DIAPH3: variants seen among roughly 807,000 people sequenced by gnomAD.
DIAPH3 encodes protein diaphanous homolog 3.
In DIAPH3, 117 loss-of-function variants were observed where a neutral mutation model predicts 144.3. That is an observed-to-expected ratio of 0.81 (90% CI 0.70 to 0.95). The LOEUF is 0.95. Ranked by LOEUF, DIAPH3 falls within the 40% of genes least tolerant of loss-of-function variation. DIAPH3 has a pLI of 0.00. For missense variants in DIAPH3, 1,421 were observed against 1,412.7 expected (o/e 1.01, Z -0.09); for synonymous variants, 519 against 488.9 (o/e 1.06, Z -0.81).
intron 4 of DIAPH3, among the ~76,000 whole-genome samples, chr13:60,059,844 C>T (rs972595060): frequency 1.3e-5 from 2 of 151,970 alleles, no homozygotes; most frequent in African/African-American, 4.8e-5. Context: ...ATCGTCTTTA[C>T]TGTGTTGATT....
At chr13:59,891,155 T>A (rs2045768648) in intron 20 of DIAPH3, among the ~76,000 whole-genome samples, 1 of 151,836 alleles carries the variant, frequency 6.6e-6, no homozygotes. Flanking sequence ...TACAGAAAAA[T>A]GATTCCTAGG....
intron 1 of DIAPH3, among the ~76,000 whole-genome samples, chr13:60,144,209 C>T (rs1204725056): frequency 2.0e-5 from 3 of 152,096 alleles, no homozygotes; most frequent in African/African-American, 7.2e-5. Flanking sequence ...GTTTTCTTTT[C>T]CCAATACGGA....
chr13:60,099,768 C>T (rs536372851), intron 3 of DIAPH3, among the ~76,000 whole-genome samples: 1 of 152,230 alleles, frequency 6.6e-6, no homozygotes, highest in Non-Finnish European at 1.5e-5. Flanking sequence ...CTGTGCTGAT[C>T]TGACTAGCAC....
chr13:59,910,275 AAATAGACAAACTAACCAAAT>A lies in DIAPH3; in HGVS notation c.2367+1440_2367+1459del, dbSNP rs545661053. The stretch of plus-strand genomic sequence containing the variant: ...TGGAAGACATGGCAAATAGAGTATC[AAATAGACAAACTAACCAAAT>A]AATAGAAAAGCAAGCAAGCAGGGAA... On this transcript the variant is annotated intron_variant, in intron 20 of 27. Transcript: ENST00000400324. Among the ~76,000 whole-genome samples the A allele has an allele frequency of 9.5e-4, 145 of 152,292 alleles. 1 individual carries two copies. The highest frequency in any genetic ancestry group is 9.0e-3 in the Admixed American group (137 of 15,294).
chr13:59,900,751 A>C (rs1335853962), intron 20 of DIAPH3, among the ~76,000 whole-genome samples: 1 of 151,824 alleles, frequency 6.6e-6, no homozygotes, highest in East Asian at 1.9e-4. Flanking sequence ...CAAATTTATA[A>C]CTCCATCCCT....
intron 22 of DIAPH3, among the ~76,000 whole-genome samples, chr13:59,855,885 CAT>C (rs1229624628): frequency 3.3e-5 from 5 of 151,062 alleles, no homozygotes; most frequent in African/African-American, 4.9e-5. Flanking sequence ...GGAAAAGAAA[CAT>C]ATATATATTT....
chr13:59,796,428 T>G (rs545360648), intron 25 of DIAPH3, among the ~76,000 whole-genome samples: 1 of 152,178 alleles, frequency 6.6e-6, no homozygotes. Context: ...GGATTGAGTA[T>G]TTGTCAGGGA....
chr13:59,796,781 T>G (rs536861117), intron 25 of DIAPH3, among the ~76,000 whole-genome samples: 4 of 152,198 alleles, frequency 2.6e-5, no homozygotes, highest in African/African-American at 9.7e-5. Flanking sequence ...TCATATTTAC[T>G]GTGTAATAAA....
chr13:59,672,589 T>C (rs1593548092), intron 27 of DIAPH3, among the ~76,000 whole-genome samples: 2 of 152,214 alleles, frequency 1.3e-5, no homozygotes, highest in Admixed American at 6.5e-5. Context: ...GTCTACATGA[T>C]AGTAAAGTGT....
chr13:60,032,755 T>C (rs1376561120), intron 5 of DIAPH3, among the ~76,000 whole-genome samples: 1 of 152,244 alleles, frequency 6.6e-6, no homozygotes. Context: ...AGACATTAAC[T>C]CTTGGCTCCT....
chr13:59,962,170 C>T (rs529356186), intron 17 of DIAPH3, among the ~76,000 whole-genome samples: 3 of 152,308 alleles, frequency 2.0e-5, no homozygotes, highest in African/African-American at 7.2e-5. Context: ...TTACTTCACT[C>T]TCACCACTGC....
chr13:59,825,124 T>C (rs1415285915), intron 24 of DIAPH3, among the ~76,000 whole-genome samples: 1 of 152,038 alleles, frequency 6.6e-6, no homozygotes, highest in East Asian at 1.9e-4. Context: ...GCCATGCTGG[T>C]GTGCTGCACC....
intron 24 of DIAPH3, among the ~76,000 whole-genome samples, chr13:59,817,812 A>C (rs1443684662): frequency 4.6e-5 from 7 of 151,886 alleles, no homozygotes; most frequent in Admixed American, 2.0e-4. Flanking sequence ...TACACAAATA[A>C]ATTTTTAGCA....
At chr13:60,088,566 G>A (rs573296899) in intron 4 of DIAPH3, among the ~76,000 whole-genome samples, 1 of 152,094 alleles carries the variant, frequency 6.6e-6, no homozygotes, top group Admixed American at 6.5e-5. Context: ...AAAGTAGAAC[G>A]GCAAATAGAA....
At chr13:59,668,419 C>G (rs1033121648) in intron 27 of DIAPH3, among the ~76,000 whole-genome samples, 3 of 152,156 alleles carry the variant, frequency 2.0e-5, no homozygotes, top group African/African-American at 7.2e-5. Flanking sequence ...CTCCAACAAA[C>G]CAGTTTATTC....
chr13:59,846,912 T>C (rs941569561), intron 22 of DIAPH3, among the ~76,000 whole-genome samples: 2 of 151,986 alleles, frequency 1.3e-5, no homozygotes, highest in African/African-American at 2.4e-5. Context: ...CCCATCTCTA[T>C]AAATTTTTTT....
At chr13:60,004,983 A>G (rs896711489) in intron 9 of DIAPH3, among the ~76,000 whole-genome samples, 2 of 152,218 alleles carry the variant, frequency 1.3e-5, no homozygotes, top group African/African-American at 4.8e-5. Context: ...CATTGCTCTA[A>G]GCTCTCCTCC....
intron 5 of DIAPH3, among the ~76,000 whole-genome samples, chr13:60,024,939 T>C (rs2054278412): frequency 6.6e-6 from 1 of 152,134 alleles, no homozygotes; most frequent in Non-Finnish European, 1.5e-5. Context: ...AAGGGGGATG[T>C]GGACGTCTGT....
intron 27 of DIAPH3, among the ~76,000 whole-genome samples, chr13:59,706,968 T>C (rs986161756): frequency 2.0e-5 from 3 of 152,196 alleles, no homozygotes; most frequent in African/African-American, 7.2e-5. Context: ...TTTGATTGGG[T>C]AGAATTGACA....
Sources: allele counts gnomAD v4.1 joint callset (sites outside exome capture counted in the v4.1 genomes callset), GRCh38; gene constraint gnomAD v4.1.1; transcripts MANE v1.5; gene names NCBI Gene and HGNC (gene_info 2026-07-23, HGNC 2026-07-21).